The following PACRG variants were observed in gnomAD, a reference collection of about 807,000 sequenced individuals.
PACRG encodes parkin coregulated.
In PACRG, 29 loss-of-function variants were observed where a neutral mutation model predicts 29.7. That is an observed-to-expected ratio of 0.98 (90% CI 0.73 to 1.33). PACRG has a LOEUF of 1.33. Among genes scored for constraint, PACRG ranks in the 40% most tolerant of loss-of-function variants. PACRG has a pLI of 0.00. For missense variants in PACRG, 279 were observed against 316.2 expected, an observed-to-expected ratio of 0.88 and a Z score of 0.89; for synonymous variants, 116 against 118.7, an observed-to-expected ratio of 0.98 and a Z score of 0.15.
At chr6:162,778,679 C>T (rs1393941717) in intron 1 of PACRG, among the ~76,000 whole-genome samples, 1 of 152,170 alleles carries the variant, frequency 6.6e-6, no homozygotes, top group Non-Finnish European at 1.5e-5. Flanking sequence ...CTTTCCCCAA[C>T]AAAAAGCATT....
chr6:163,074,129 A>T (rs1410753269), intron 3 of PACRG, among the ~76,000 whole-genome samples: 1 of 152,236 alleles, frequency 6.6e-6, no homozygotes, highest in African/African-American at 2.4e-5. Context: ...TCGCGTATTT[A>T]TTGCAGCACT....
intron 2 of PACRG, among the ~76,000 whole-genome samples, chr6:163,045,081 G>A (rs751408886): frequency 6.6e-6 from 1 of 152,152 alleles, no homozygotes; most frequent in Non-Finnish European, 1.5e-5. Flanking sequence ...GAAGGTTTTG[G>A]GGAGATGCCA....
chr6:162,947,383 T>TG (rs1332718304), intron 2 of PACRG, among the ~76,000 whole-genome samples: 33 of 36,316 alleles, frequency 9.1e-4, no homozygotes, highest in African/African-American at 2.0e-3. Flanking sequence ...TAATCATATA[T>TG]ATAATCATAT....
chr6:163,124,755 C>T (rs890940106), intron 4 of PACRG, among the ~76,000 whole-genome samples: 1 of 152,160 alleles, frequency 6.6e-6, no homozygotes, highest in Non-Finnish European at 1.5e-5. Context: ...CTGGCACCTT[C>T]GAGAGGCCGT....
rs535191269 is a variant in PACRG, at chr6:163,200,474, C to T, written c.613+111066C>T. 3.9e-5 allele frequency among the ~76,000 whole-genome samples: 6 copies of T among 152,158 alleles called. No homozygotes were observed. In the South Asian group the frequency reaches 1.2e-3, roughly 32 times the overall value. On this transcript the variant is annotated intron_variant, in intron 4 of 4. Coordinates refer to ENST00000366888, the MANE Select transcript of PACRG (RefSeq NM_001080379.2). ...CAGTACTAACCTTGGAGTCTAAACG[C>T]CAAGGGTATGAACGTGGGCACGTGT...
intron 4 of PACRG, among the ~76,000 whole-genome samples, chr6:163,127,317 C>A (rs1024174749): frequency 6.6e-6 from 1 of 152,202 alleles, no homozygotes; most frequent in African/African-American, 2.4e-5. Flanking sequence ...GGACAAATTG[C>A]CTCGGCCTAT....
At chr6:163,249,015 C>CAAA (rs57866351) in intron 4 of PACRG, among the ~76,000 whole-genome samples, 16 of 107,448 alleles carry the variant, frequency 1.5e-4, no homozygotes, top group Non-Finnish European at 2.5e-4. Context: ...GACTCTGTCT[C>CAAA]AAAAAAAAAA....
intron 2 of PACRG, among the ~76,000 whole-genome samples, chr6:163,008,250 C>G (rs1805304728): frequency 6.6e-6 from 1 of 152,108 alleles, no homozygotes; most frequent in Admixed American, 6.5e-5. Context: ...CCCTCAAAGA[C>G]AGATCGCCAC....
chr6:163,067,458 A>G (rs562472961), intron 3 of PACRG, among the ~76,000 whole-genome samples: 3 of 152,362 alleles, frequency 2.0e-5, no homozygotes, highest in Non-Finnish European at 4.4e-5. Flanking sequence ...GAGAAACACA[A>G]CTTTAAGATT....
rs1051241967 is a variant in PACRG, at chr6:163,013,156, A to G, written c.292-48994A>G. ...TTTTACTTTTTACTTTGGCTTTGAGAAAATTTAAAATTATATGTGTGGTTG... is the reference window on the plus strand; with the variant it reads ...TTTTACTTTTTACTTTGGCTTTGAGGAAATTTAAAATTATATGTGTGGTTG... On this transcript the variant is annotated intron_variant, in intron 2 of 4. Coordinates refer to ENST00000366888, the MANE Select transcript of PACRG (RefSeq NM_001080379.2). Among the ~76,000 whole-genome samples the G allele has an allele frequency of 2.6e-5, 4 of 152,172 alleles. No individual in the cohort carries two copies. The East Asian group carries it at 7.7e-4, about 29-fold the overall frequency.
intron 2 of PACRG, among the ~76,000 whole-genome samples, chr6:163,032,417 A>G (rs978477895): frequency 2.0e-5 from 3 of 152,160 alleles, no homozygotes; most frequent in East Asian, 3.9e-4. Flanking sequence ...TCAAAGCCCT[A>G]TAGCTGATTA....
intron 2 of PACRG, among the ~76,000 whole-genome samples, chr6:162,956,358 G>A (rs1260983823): frequency 2.0e-5 from 3 of 152,162 alleles, no homozygotes; most frequent in African/African-American, 7.2e-5. Flanking sequence ...AGTTTAAGTT[G>A]TCAAATTACC....
chr6:162,961,567 C>T (rs1488555103), intron 2 of PACRG, among the ~76,000 whole-genome samples: 1 of 152,148 alleles, frequency 6.6e-6, no homozygotes, highest in Admixed American at 6.6e-5. Context: ...TCTTCATCCT[C>T]TCCTTTTTCT....
chr6:162,822,918 A>G (rs1787963718), intron 2 of PACRG, among the ~76,000 whole-genome samples: 1 of 152,134 alleles, frequency 6.6e-6, no homozygotes, highest in Non-Finnish European at 1.5e-5. Flanking sequence ...TATATGTATA[A>G]CATATAACAT....
chr6:162,810,215 C>T (rs1034596330), intron 1 of PACRG, among the ~76,000 whole-genome samples: 1 of 152,146 alleles, frequency 6.6e-6, no homozygotes, highest in Non-Finnish European at 1.5e-5. Context: ...ATTAATGAAG[C>T]ATTCTCTCCT....
At chr6:163,151,590 G>C (rs931047265) in intron 4 of PACRG, among the ~76,000 whole-genome samples, 18 of 152,136 alleles carry the variant, frequency 1.2e-4, no homozygotes, top group Admixed American at 9.2e-4. Context: ...GTCCTCGATA[G>C]GAAAATGTGC....
chr6:163,131,164 C>T (rs888320312), intron 4 of PACRG, among the ~76,000 whole-genome samples: 1 of 151,976 alleles, frequency 6.6e-6, no homozygotes, highest in Non-Finnish European at 1.5e-5. Flanking sequence ...AAAAATTATC[C>T]GGGCGTGGTG....
intron 2 of PACRG, among the ~76,000 whole-genome samples, chr6:162,962,694 T>A (rs527328192): frequency 2.6e-5 from 4 of 152,206 alleles, no homozygotes; most frequent in Admixed American, 2.6e-4. Context: ...TCTTGGACTT[T>A]GCAGCCTCCA....
At chr6:163,293,235 G>A (rs34632268) in intron 4 of PACRG, among the ~76,000 whole-genome samples, 5,156 of 152,268 alleles carry the variant, frequency 0.034, 129 homozygotes, top group Non-Finnish European at 0.052. Flanking sequence ...TGATCGAATA[G>A]CAGTGCCTTA....
Sources: gnomAD v4.1 joint callset for allele counts (sites outside exome capture counted in the v4.1 genomes callset) on GRCh38, gnomAD v4.1.1 for gene constraint, MANE v1.5 for transcripts, NCBI Gene and HGNC (gene_info 2026-07-23, HGNC 2026-07-21) for gene names.